TIA1: variants seen among roughly 807,000 people sequenced by gnomAD.
The protein encoded by TIA1 is TIA1 cytotoxic granule associated RNA binding protein.
Under a neutral mutation model 65.9 loss-of-function variants are expected in TIA1, and 23 were observed. The observed-to-expected ratio is 0.35, with a 90% CI of 0.25 to 0.49. TIA1 has a LOEUF of 0.49. Among genes scored for constraint, TIA1 ranks in the 20% least tolerant of loss-of-function variants. TIA1 has a pLI of 0.98. For missense variants in TIA1, 371 were observed against 477.9 expected, an observed-to-expected ratio of 0.78 and a Z score of 2.09; for synonymous variants, 147 against 149.4, an observed-to-expected ratio of 0.98 and a Z score of 0.12.
intron 6 of TIA1, among the ~76,000 whole-genome samples, chr2:70,225,660 T>C (rs1245552302): frequency 6.6e-6 from 1 of 152,240 alleles, no homozygotes; most frequent in Admixed American, 6.5e-5. Flanking sequence ...CTGAGTGATT[T>C]ATTAAGTGTT....
At chr2:70,242,326 G>C (rs1373418553) in intron 1 of TIA1, among the ~76,000 whole-genome samples, 1 of 151,754 alleles carries the variant, frequency 6.6e-6, no homozygotes, top group Non-Finnish European at 1.5e-5. Context: ...GAGCTCAGGA[G>C]TTCGAGATCA....
At chr2:70,233,238 T>C (rs1406692927) in intron 2 of TIA1, among the ~76,000 whole-genome samples, 1 of 152,146 alleles carries the variant, frequency 6.6e-6, no homozygotes, top group East Asian at 1.9e-4. Context: ...CCCAAAGTGT[T>C]GGGATTACAG....
Position 70,211,838 on chromosome 2 carries a change from A to C in TIA1, c.*881T>G, listed in dbSNP as rs1676564501. On this transcript the variant is annotated 3_prime_UTR_variant, in exon 13 of 13. Coordinates refer to ENST00000433529, the MANE Select transcript of TIA1 (RefSeq NM_022173.4). ...AATTGCTAAAACATTTTACATAATGAAATAATACATGTAAATGTTGAAGTT... is the reference window on the plus strand; with the variant it reads ...AATTGCTAAAACATTTTACATAATGCAATAATACATGTAAATGTTGAAGTT... The C allele has an allele frequency of 6.6e-6, 1 of 152,622 alleles. No individual in the cohort carries two copies. The allele number at this position is 152,622 out of a possible 1,614,324, so 9.5% of individuals were successfully genotyped here.
intron 1 of TIA1, among the ~76,000 whole-genome samples, chr2:70,236,721 G>A (rs889706484): frequency 6.6e-6 from 1 of 151,918 alleles, no homozygotes; most frequent in African/African-American, 2.4e-5. Context: ...CCACCTCCTG[G>A]GCACAAGGGA....
intron 1 of TIA1, among the ~76,000 whole-genome samples, chr2:70,246,292 G>C (rs1014312771): frequency 2.6e-5 from 4 of 152,324 alleles, no homozygotes; most frequent in Middle Eastern, 6.8e-3. Flanking sequence ...CATATATTGA[G>C]AGGCTGTGTT....
chr2:70,237,114 ATATAT>A (rs1370886829), intron 1 of TIA1, among the ~76,000 whole-genome samples: 4 of 152,242 alleles, frequency 2.6e-5, no homozygotes, highest in Non-Finnish European at 4.4e-5. Context: ...TTATTTGAAA[ATATAT>A]TAGCTAGGTG....
At chr2:70,220,890 G>C (rs1680991299) in intron 7 of TIA1, among the ~76,000 whole-genome samples, 1 of 151,706 alleles carries the variant, frequency 6.6e-6, no homozygotes, top group African/African-American at 2.4e-5. Context: ...AGATGGCCAG[G>C]AACGGTGCCT....
upstream of TIA1, chr2:70,248,695 T>A: frequency 1.8e-6 from 1 of 542,392 alleles, no homozygotes; most frequent in South Asian, 2.5e-5. Flanking sequence ...AATCTTGCAC[T>A]CTCAACCTCC....
chr2:70,221,764 T>G (rs1681484085), intron 7 of TIA1, among the ~76,000 whole-genome samples: 1 of 151,854 alleles, frequency 6.6e-6, no homozygotes, highest in African/African-American at 2.4e-5. Context: ...GTGAATTACC[T>G]AGAAACCACT....
In TIA1 at chr2:70,209,828, A is replaced by G; in HGVS notation, c.*2891T>C. On this transcript the variant is annotated 3_prime_UTR_variant, in exon 13 of 13. Transcript: ENST00000433529. ...CTAATTCAACTGTAACCTCAGGACC[A>G]CTGTACAGCACTTAGTAAACCTGTC... 2 of 397,566 alleles carry G rather than the reference A, an allele frequency of 5.0e-6. No individual in the cohort carries two copies. The highest frequency in any genetic ancestry group is 8.9e-6 in the Non-Finnish European group (2 of 225,776). The allele number at this position is 397,566 out of a possible 1,614,324, so 24.6% of individuals were successfully genotyped here. A position where few individuals can be genotyped will look rare whatever the true frequency, so the allele number is the denominator to read the frequency against.
intron 1 of TIA1, among the ~76,000 whole-genome samples, chr2:70,244,462 T>C (rs1693331496): frequency 6.6e-6 from 1 of 152,194 alleles, no homozygotes; most frequent in Admixed American, 6.5e-5. Flanking sequence ...GTAATGTTTC[T>C]AGCATATTCT....
intron 7 of TIA1, among the ~76,000 whole-genome samples, chr2:70,221,014 T>A (rs935955687): frequency 6.6e-6 from 1 of 151,318 alleles, no homozygotes; most frequent in Non-Finnish European, 1.5e-5. Flanking sequence ...AAAATATATA[T>A]ATATATTTTT....
At chr2:70,219,158 A>C (rs1459607057) in intron 7 of TIA1, among the ~76,000 whole-genome samples, 2 of 152,206 alleles carry the variant, frequency 1.3e-5, no homozygotes, top group African/African-American at 2.4e-5. Flanking sequence ...TGCAGACTAG[A>C]GAAAGAGCCT....
intron 11 of TIA1, among the ~76,000 whole-genome samples, 190 bp from the exon 12 acceptor site, chr2:70,214,684 G>A (rs988715301): frequency 6.6e-6 from 1 of 151,604 alleles, no homozygotes; most frequent in South Asian, 2.1e-4. Flanking sequence ...AAACAAGTGA[G>A]GTTATACTGC....
intron 11 of TIA1, 177 bp downstream of exon 11, chr2:70,215,194 A>G: frequency 1.4e-6 from 1 of 716,484 alleles, no homozygotes; most frequent in Non-Finnish European, 2.2e-6. Flanking sequence ...GGTCACATTC[A>G]TCATGTCACC....
At chr2:70,228,375 T>C (rs1481369093) in intron 5 of TIA1, 4 of 1,288,350 alleles carry the variant, frequency 3.1e-6, no homozygotes, top group Admixed American at 2.3e-5. Flanking sequence ...GTTAAAGTAT[T>C]TGACAGTTTT....
Position 70,209,862 on chromosome 2 carries a change from T to G in TIA1, c.*2857A>C. 1 of 396,844 alleles carries G rather than the reference T, an allele frequency of 2.5e-6. No individual in the cohort carries two copies. The highest frequency in any genetic ancestry group is 3.6e-5 in the East Asian group (1 of 27,940). 24.6% of individuals were successfully genotyped at this position (396,844 alleles called of 1,614,324 possible). The stretch of plus-strand genomic sequence containing the variant: ...CACTTAGTAAACCTGTCTTTGTACA[T>G]GCAATCTAGTTCTTACCAACTGCCT... On this transcript the variant is annotated 3_prime_UTR_variant, in exon 13 of 13. Coordinates refer to ENST00000433529, the MANE Select transcript of TIA1 (RefSeq NM_022173.4).
Position 70,248,398 on chromosome 2 carries a change from G to T in TIA1, c.26+7C>A, listed in dbSNP as rs1230596375. The T allele has an allele frequency of 6.3e-7, 1 of 1,599,992 alleles. No individual in the cohort carries two copies. The highest frequency in any genetic ancestry group is 8.5e-7 in the Non-Finnish European group (1 of 1,179,624). On this transcript the variant is annotated splice_region_variant and intron_variant, in intron 1 of 12. Transcript: ENST00000433529. ...TCCCGCCTCCCTCATCGCTGCCCCA[G>T]ACTCACAGAGTCTTGGGCATCTCGT...
upstream of TIA1, chr2:70,248,716 G>A: frequency 1.9e-6 from 1 of 515,682 alleles, no homozygotes; most frequent in Non-Finnish European, 3.5e-6. Flanking sequence ...GGGCCGCCCG[G>A]CTACACCTTA....
Sources: allele counts gnomAD v4.1 joint callset (sites outside exome capture counted in the v4.1 genomes callset), GRCh38; gene constraint gnomAD v4.1.1; transcripts MANE v1.5; gene names NCBI Gene and HGNC (gene_info 2026-07-23, HGNC 2026-07-21).